CSMD3: variants seen among roughly 807,000 people sequenced by gnomAD.
CSMD3 encodes the protein CUB and sushi domain-containing protein 3.
CSMD3 carries 177 observed loss-of-function variants against 435.2 expected under a neutral mutation model. That is an observed-to-expected ratio of 0.41 (90% CI 0.36 to 0.46). The LOEUF is 0.46. Among genes scored for constraint, CSMD3 ranks in the 20% least tolerant of loss-of-function variants. The probability of loss-of-function intolerance (pLI) is 0.34; values close to 1 mark genes in which losing one functional copy is unlikely to be tolerated. For synonymous variants in CSMD3, 1,656 were observed against 1,520.5 expected (o/e 1.09, Z -2.07); for missense variants, 4,265 against 4,504.6 (o/e 0.95, Z 1.52).
chr8:112,513,649 T>C (rs566839948), intron 28 of CSMD3, among the ~76,000 whole-genome samples: 3 of 152,222 alleles, frequency 2.0e-5, no homozygotes, highest in Middle Eastern at 3.4e-3. Context: ...AAAAGTCTAT[T>C]AGGACTTGCT....
chr8:112,920,806 T>C (rs1374078194), intron 10 of CSMD3, among the ~76,000 whole-genome samples: 1 of 151,650 alleles, frequency 6.6e-6, no homozygotes, highest in African/African-American at 2.4e-5. Context: ...TTTCTTTATT[T>C]TCTAAGTAGC....
chr8:113,153,562 A>G (rs1161260734), intron 4 of CSMD3, among the ~76,000 whole-genome samples: 1 of 152,070 alleles, frequency 6.6e-6, no homozygotes, highest in Non-Finnish European at 1.5e-5. Flanking sequence ...TTCAGAGGCA[A>G]TCTGAATCAC....
At chr8:112,474,589 G>T (rs940954868) in intron 31 of CSMD3, among the ~76,000 whole-genome samples, 1 of 152,140 alleles carries the variant, frequency 6.6e-6, no homozygotes, top group African/African-American at 2.4e-5. Flanking sequence ...AAGGAGATTA[G>T]AAATAGATAG....
intron 22 of CSMD3, among the ~76,000 whole-genome samples, chr8:112,594,800 G>T (rs1246704564): frequency 1.3e-5 from 2 of 152,106 alleles, no homozygotes; most frequent in Non-Finnish European, 2.9e-5. Flanking sequence ...CTGCAGCTGA[G>T]GGTCCTGTCT....
At chr8:112,364,053 A>T (rs1328342194) in intron 38 of CSMD3, among the ~76,000 whole-genome samples, 2 of 152,008 alleles carry the variant, frequency 1.3e-5, no homozygotes, top group Non-Finnish European at 2.9e-5. Context: ...ATTTTTAGTG[A>T]TTATAAAAGT....
At position 112,311,020 on chromosome 8, in the gene CSMD3, A is replaced by G. The variant is rs568365365; in HGVS notation, c.7843T>C (p.Tyr2615His). ...KSSAVCRKSS[Y>H]GYHAWDAPVP... is the part of the protein sequence containing the mutation. ...GGCGCATCCCATGCATGATACCCATAGGAAGACTTTCTGCACACAGCACTG... is the reference window on the plus strand; with the variant it reads ...GGCGCATCCCATGCATGATACCCATGGGAAGACTTTCTGCACACAGCACTG... Residue 2615 changes from tyrosine (Y) to histidine (H), a missense_variant, in exon 50 of 71, where the codon TAT becomes CAT. Around this residue, in one of 3 missense-constraint regions of CSMD3, gnomAD observed 3,255 missense variants for 3,380.2 expected, o/e 0.96. Coordinates refer to ENST00000297405, the MANE Select transcript of CSMD3 (RefSeq NM_198123.2). 49 of 1,613,964 alleles carry G rather than the reference A, an allele frequency of 3.0e-5. No homozygotes were observed. Among genetic ancestry groups the G allele is most frequent in the Non-Finnish European group, 3.9e-5 (46 of 1,179,988 alleles).
At chr8:112,645,793 T>A (rs2074963635) in intron 19 of CSMD3, among the ~76,000 whole-genome samples, 1 of 152,204 alleles carries the variant, frequency 6.6e-6, no homozygotes, top group Middle Eastern at 3.2e-3. Context: ...AATATTTGAT[T>A]TGATATTCAT....
chr8:113,120,541 G>T (rs761361931), intron 4 of CSMD3, among the ~76,000 whole-genome samples: 8 of 152,096 alleles, frequency 5.3e-5, no homozygotes, highest in Non-Finnish European at 2.9e-5. Context: ...AGTAAGCAGC[G>T]TTTTATGTAT....
At chr8:112,648,096 C>A (rs73338524) in intron 19 of CSMD3, among the ~76,000 whole-genome samples, 1 of 152,120 alleles carries the variant, frequency 6.6e-6, no homozygotes, top group Non-Finnish European at 1.5e-5. Context: ...ATTAGGCAAC[C>A]TAGGTCAATC....
chr8:113,116,666 G>A (rs1392065052), intron 4 of CSMD3, among the ~76,000 whole-genome samples: 1 of 152,152 alleles, frequency 6.6e-6, no homozygotes, highest in Non-Finnish European at 1.5e-5. Context: ...CTGTAGAAAA[G>A]TTTGGAACTT....
chr8:112,853,508 G>A (rs368345675), intron 11 of CSMD3, among the ~76,000 whole-genome samples: 1 of 152,142 alleles, frequency 6.6e-6, no homozygotes, highest in African/African-American at 2.4e-5. Context: ...TTACCGGTGT[G>A]AGCCACCACA....
At chr8:113,089,593 T>G (rs1330343100) in intron 5 of CSMD3, among the ~76,000 whole-genome samples, 4 of 152,266 alleles carry the variant, frequency 2.6e-5, no homozygotes, top group Admixed American at 6.5e-5. Flanking sequence ...ATTAATTTTT[T>G]AAATACCCAT....
intron 13 of CSMD3, among the ~76,000 whole-genome samples, chr8:112,715,654 A>C (rs1452973885): frequency 6.6e-6 from 1 of 152,194 alleles, no homozygotes; most frequent in Non-Finnish European, 1.5e-5. Flanking sequence ...TCCCTGATGA[A>C]CATCGAAGTG....
At chr8:112,762,267 T>C (rs1029073227) in intron 13 of CSMD3, among the ~76,000 whole-genome samples, 4 of 151,998 alleles carry the variant, frequency 2.6e-5, no homozygotes, top group African/African-American at 9.7e-5. Flanking sequence ...TTGGATTCTT[T>C]ACCCATATTG....
At chr8:112,285,490 A>G (rs1819099230) in intron 58 of CSMD3, among the ~76,000 whole-genome samples, 1 of 152,108 alleles carries the variant, frequency 6.6e-6, no homozygotes, top group Non-Finnish European at 1.5e-5. Context: ...ATAATCAAAT[A>G]TTTCTATAAC....
At chr8:113,332,307 A>G in intron 1 of CSMD3, among the ~76,000 whole-genome samples, 1 of 70,786 alleles carries the variant, frequency 1.4e-5, no homozygotes, top group African/African-American at 8.1e-5. Flanking sequence ...TCAATTGGTT[A>G]AAAAAAAAAA....
chr8:112,622,474 A>G (rs1016523757), intron 22 of CSMD3, among the ~76,000 whole-genome samples: 5 of 152,154 alleles, frequency 3.3e-5, no homozygotes, highest in Non-Finnish European at 5.9e-5. Context: ...TTTTTAAACA[A>G]TGTACAATGT....
intron 22 of CSMD3, among the ~76,000 whole-genome samples, chr8:112,633,494 C>T (rs1277998378): frequency 6.6e-6 from 1 of 151,884 alleles, no homozygotes; most frequent in African/African-American, 2.4e-5. Context: ...ATTTGGGAGT[C>T]TTTGGAATGA....
intron 27 of CSMD3, among the ~76,000 whole-genome samples, chr8:112,533,438 C>A (rs758503432): frequency 6.6e-6 from 1 of 151,578 alleles, no homozygotes; most frequent in Admixed American, 6.6e-5. Context: ...GTATTTTATG[C>A]AAACGGAAAC....
Sources: allele counts gnomAD v4.1 joint callset (sites outside exome capture counted in the v4.1 genomes callset), GRCh38; gene constraint gnomAD v4.1.1; regional missense constraint gnomAD v4.1.1; transcripts MANE v1.5; gene names NCBI Gene and HGNC (gene_info 2026-07-23, HGNC 2026-07-21).